CRACR2A: variants seen among roughly 807,000 people sequenced by gnomAD.
CRACR2A encodes calcium release activated channel regulator 2A.
Under a neutral mutation model 90.5 loss-of-function variants are expected in CRACR2A, and 79 were observed. The observed-to-expected ratio is 0.87, with a 90% CI of 0.73 to 1.05. CRACR2A has a LOEUF of 1.05. Ranked by LOEUF, CRACR2A falls within the 50% of genes least tolerant of loss-of-function variation. The probability of loss-of-function intolerance (pLI) is 0.00; values close to 1 mark genes in which losing one functional copy is unlikely to be tolerated. For synonymous variants in CRACR2A, 338 were observed against 356.7 expected (o/e 0.95, Z 0.59); for missense variants, 823 against 897.2 (o/e 0.92, Z 1.06).
chr12:3,706,898 C>G (rs1945932944), intron 3 of CRACR2A, among the ~76,000 whole-genome samples: 1 of 152,192 alleles, frequency 6.6e-6, no homozygotes, highest in African/African-American at 2.4e-5. Flanking sequence ...GCCACCACAC[C>G]CAGTCTGTCA....
chr12:3,660,368 C>T (rs372150948), intron 7 of CRACR2A, among the ~76,000 whole-genome samples: 39 of 152,142 alleles, frequency 2.6e-4, no homozygotes, highest in East Asian at 7.7e-4. Context: ...TGGAGGATGG[C>T]GATGACAATG....
intron 15 of CRACR2A, among the ~76,000 whole-genome samples, chr12:3,628,421 G>A (rs1275061672): frequency 6.6e-6 from 1 of 152,128 alleles, no homozygotes; most frequent in Non-Finnish European, 1.5e-5. Flanking sequence ...AACAGAAGGG[G>A]TAAGAGAAAA....
At chr12:3,728,193 C>G in intron 2 of CRACR2A, 1 of 152,166 alleles carries the variant, frequency 6.6e-6, no homozygotes. Flanking sequence ...ACACAGGCAA[C>G]GGATCCCCAG....
rs1229050886 is a variant in CRACR2A at position 3,633,442 on chromosome 12, C to T, written c.1735+162G>A. Among the ~76,000 whole-genome samples the T allele has an allele frequency of 6.6e-6, 1 of 152,084 alleles. No individual in the cohort carries two copies. Among genetic ancestry groups the T allele is most frequent in the African/African-American group, 2.4e-5 (1 of 41,404 alleles). Reference sequence around the variant, plus strand: ...TGAGGGGAGGTGGCTTCATCTTGCCCCTCCCAGCCTGTCTGTTGAACAGAG... The same window carrying T: ...TGAGGGGAGGTGGCTTCATCTTGCCTCTCCCAGCCTGTCTGTTGAACAGAG... On this transcript the variant is annotated intron_variant, in intron 15 of 19. Transcript: ENST00000440314. This position sits in a 1 kb window ranked among gnomAD's most constrained non-coding sequence, Gnocchi z 4.5.
intron 2 of CRACR2A, chr12:3,727,349 CAAATAT>C (rs1173785006): frequency 6.6e-6 from 1 of 152,196 alleles, no homozygotes; most frequent in East Asian, 1.9e-4. Context: ...CATTGTACTA[CAAATAT>C]AAATATATGT....
intron 1 of CRACR2A, among the ~76,000 whole-genome samples, chr12:3,740,971 C>T (rs9989021): frequency 0.27 from 40,992 of 152,074 alleles, 6,339 homozygotes; most frequent in African/African-American, 0.42. Flanking sequence ...TCTGACCACA[C>T]ATATGTCCTC....
intron 2 of CRACR2A, among the ~76,000 whole-genome samples, chr12:3,723,752 C>T (rs1199927391): frequency 1.3e-5 from 2 of 152,160 alleles, no homozygotes; most frequent in Non-Finnish European, 2.9e-5. Context: ...CCACCAGGGC[C>T]TCTTATCCAG....
intron 2 of CRACR2A, among the ~76,000 whole-genome samples, chr12:3,718,063 C>A (rs978263795): frequency 7.9e-5 from 12 of 152,170 alleles, no homozygotes; most frequent in Admixed American, 7.9e-4. Flanking sequence ...TTCTCTGAGC[C>A]AATTTCTCCT....
chr12:3,647,027 A>G (rs1209546779), intron 11 of CRACR2A, among the ~76,000 whole-genome samples: 1 of 152,170 alleles, frequency 6.6e-6, no homozygotes, highest in Non-Finnish European at 1.5e-5. Flanking sequence ...TGGGTTTTGA[A>G]TCAGATCCAG....
At position 3,751,424 on chromosome 12, in the gene CRACR2A, C is replaced by T. The variant is rs150026079; in HGVS notation, c.-387+1591G>A. 6.0e-3 allele frequency among the ~76,000 whole-genome samples: 918 copies of T among 152,278 alleles called. 10 individuals are homozygous for T. Among genetic ancestry groups the T allele is most frequent in the Non-Finnish European group, 9.7e-3 (657 of 68,022 alleles). ...GGTGCAGATGACATGTTCTTCTGAA[C>T]CCAGCTCCAGGAACAACACTTCCCT... On this transcript the variant is annotated intron_variant, in intron 1 of 19. Transcript: ENST00000440314.
At chr12:3,737,547 G>C (rs997191258) in intron 1 of CRACR2A, among the ~76,000 whole-genome samples, 1 of 152,198 alleles carries the variant, frequency 6.6e-6, no homozygotes, top group Non-Finnish European at 1.5e-5. Flanking sequence ...TGGATACATG[G>C]AGGCTGGTTG....
At chr12:3,678,695 AAAG>A (rs1463381304) in intron 6 of CRACR2A, among the ~76,000 whole-genome samples, 2 of 152,106 alleles carry the variant, frequency 1.3e-5, no homozygotes, top group Admixed American at 1.3e-4. Flanking sequence ...AATGATTCCT[AAAG>A]AAAAAAAAAT....
chr12:3,669,891 C>T (rs1945210672), intron 7 of CRACR2A, among the ~76,000 whole-genome samples: 2 of 152,160 alleles, frequency 1.3e-5, no homozygotes. Context: ...CCAGACTCCC[C>T]CAGAGGTCAG....
rs116583942 is a variant in CRACR2A at position 3,746,925 on chromosome 12, T to C, written c.-387+6090A>G. ...AAACAGGTAATGTCACCATGACCCA[T>C]GGGATCACATGTGCGTGGACCACGT... On this transcript the variant is annotated intron_variant, in intron 1 of 19. Coordinates refer to ENST00000440314, the MANE Select transcript of CRACR2A (RefSeq NM_001144958.2). The surrounding 1 kb of genome is among the most constrained non-coding windows in gnomAD (Gnocchi z 4.4). Among the ~76,000 whole-genome samples the C allele has an allele frequency of 2.4e-4, 36 of 152,350 alleles. No homozygotes were observed. The highest frequency in any genetic ancestry group is 8.7e-4 in the African/African-American group (36 of 41,584).
intron 5 of CRACR2A, 112 bp downstream of exon 5, chr12:3,680,126 G>A: frequency 2.5e-6 from 2 of 793,236 alleles, no homozygotes; most frequent in Non-Finnish European, 4.1e-6. Context: ...CTGAAAGGAG[G>A]GCAGGAAAGC....
At chr12:3,719,497 T>C (rs549526093) in intron 2 of CRACR2A, among the ~76,000 whole-genome samples, 2 of 152,328 alleles carry the variant, frequency 1.3e-5, no homozygotes, top group African/African-American at 2.4e-5. Context: ...CAAAAGAGGC[T>C]CTCTGACTGA....
intron 4 of CRACR2A, among the ~76,000 whole-genome samples, chr12:3,696,506 G>A (rs977066905): frequency 2.0e-5 from 3 of 152,088 alleles, no homozygotes; most frequent in Non-Finnish European, 2.9e-5. Flanking sequence ...AGTCCCTTAC[G>A]TTACTGTTAT....
At chr12:3,715,318 A>C (rs923269811) in intron 2 of CRACR2A, among the ~76,000 whole-genome samples, 1 of 152,228 alleles carries the variant, frequency 6.6e-6, no homozygotes. Context: ...CTAGCCCTTC[A>C]CTCAATATCC....
intron 6 of CRACR2A, among the ~76,000 whole-genome samples, chr12:3,677,511 C>T (rs1042457824): frequency 2.0e-5 from 3 of 152,226 alleles, no homozygotes; most frequent in African/African-American, 4.8e-5. Flanking sequence ...AGGCTGCTAC[C>T]CTGCAGTGAG....
Sources: allele counts gnomAD v4.1 joint callset (sites outside exome capture counted in the v4.1 genomes callset), GRCh38; gene constraint gnomAD v4.1.1; non-coding constraint Gnocchi (gnomAD v3.1); transcripts MANE v1.5; gene names NCBI Gene and HGNC (gene_info 2026-07-23, HGNC 2026-07-21).